Variants in TNFSF4 observed in about 807,000 individuals in gnomAD.
The protein encoded by TNFSF4 is TNF superfamily member 4.
A neutral mutation model predicts 7.3 loss-of-function variants in TNFSF4; 4 were observed. The observed-to-expected ratio is 0.55, with a 90% CI of 0.27 to 1.25. The LOEUF (loss-of-function observed/expected upper bound fraction) is 1.25. Ranked by LOEUF, TNFSF4 falls within the 50% of genes most tolerant of loss-of-function variation. The pLI, the probability that TNFSF4 is intolerant of heterozygous loss-of-function variation, is 0.12. For missense variants in TNFSF4, 181 were observed against 208.8 expected (o/e 0.87, Z 0.82); for synonymous variants, 76 against 83.7 (o/e 0.91, Z 0.50).
chr1:173,323,120 C>G, the TNFSF4 span, among the ~76,000 whole-genome samples: 3 of 152,192 alleles, frequency 2.0e-5, no homozygotes, highest in African/African-American at 7.2e-5. Context: ...GAGTAGCCTA[C>G]CTGGGAGGCA....
the TNFSF4 span, among the ~76,000 whole-genome samples, chr1:173,229,411 C>G: frequency 1.3e-5 from 2 of 152,048 alleles, no homozygotes; most frequent in Non-Finnish European, 2.9e-5. Flanking sequence ...CAGGCCTGCC[C>G]GAAAAGAGCT....
intron 1 of TNFSF4, among the ~76,000 whole-genome samples, chr1:173,188,884 T>C (rs547744612): frequency 1.4e-4 from 22 of 152,190 alleles, no homozygotes; most frequent in African/African-American, 4.3e-4. Flanking sequence ...GATTAATTTT[T>C]GTTTTTTGGG....
the TNFSF4 span, among the ~76,000 whole-genome samples, chr1:173,321,773 C>T: frequency 2.6e-5 from 4 of 152,296 alleles, no homozygotes; most frequent in South Asian, 8.3e-4. Context: ...GACTTACCAT[C>T]TCATGCCAGT....
chr1:173,286,318 G>A, the TNFSF4 span, among the ~76,000 whole-genome samples: 1 of 152,058 alleles, frequency 6.6e-6, no homozygotes. Context: ...TCTAACAGAA[G>A]AAAAAAACTG....
At chr1:173,194,519 T>G (rs887223588) in intron 1 of TNFSF4, among the ~76,000 whole-genome samples, 9 of 152,148 alleles carry the variant, frequency 5.9e-5, no homozygotes, top group African/African-American at 2.2e-4. Context: ...AAGAGCTGGA[T>G]GAGCAAAAGA....
At chr1:173,422,709 A>T in the TNFSF4 span, among the ~76,000 whole-genome samples, 1 of 152,212 alleles carries the variant, frequency 6.6e-6, no homozygotes, top group African/African-American at 2.4e-5. Flanking sequence ...GTGTGTGCAG[A>T]GGAGGGGGAG....
At chr1:173,269,020 T>C in the TNFSF4 span, among the ~76,000 whole-genome samples, 1 of 152,144 alleles carries the variant, frequency 6.6e-6, no homozygotes, top group Non-Finnish European at 1.5e-5. Context: ...GCAGTTCAGA[T>C]AGAGTACAAC....
chr1:173,324,785 A>C, the TNFSF4 span, among the ~76,000 whole-genome samples: 1,315 of 152,348 alleles, frequency 8.6e-3, 11 homozygotes, highest in Non-Finnish European at 0.012. Context: ...ACATAATGGT[A>C]AAGGGATCAA....
chr1:173,318,983 A>G, the TNFSF4 span, among the ~76,000 whole-genome samples: 5 of 152,200 alleles, frequency 3.3e-5, no homozygotes, highest in East Asian at 5.8e-4. Flanking sequence ...CTGGAACCCC[A>G]GTGAGACAGA....
chr1:173,275,198 G>A, the TNFSF4 span, among the ~76,000 whole-genome samples: 1 of 152,068 alleles, frequency 6.6e-6, no homozygotes. Flanking sequence ...TCAGGGAAGG[G>A]AACGACACAG....
At chr1:173,316,295 C>T in the TNFSF4 span, among the ~76,000 whole-genome samples, 1 of 151,788 alleles carries the variant, frequency 6.6e-6, no homozygotes, top group African/African-American at 2.4e-5. Flanking sequence ...GTCAAAACAT[C>T]GTTTTTACCT....
chr1:173,275,295 T>A, the TNFSF4 span, among the ~76,000 whole-genome samples: 3 of 152,204 alleles, frequency 2.0e-5, no homozygotes, highest in East Asian at 5.8e-4. Flanking sequence ...ATCTTTTAAG[T>A]GGCTGCAAGC....
the TNFSF4 span, among the ~76,000 whole-genome samples, chr1:173,233,385 A>G: frequency 6.6e-6 from 1 of 152,244 alleles, no homozygotes; most frequent in Admixed American, 6.5e-5. Flanking sequence ...GGAGAATGGA[A>G]CCAAGTTGGA....
At chr1:173,200,054 TAA>T (rs1649877917) in intron 1 of TNFSF4, among the ~76,000 whole-genome samples, 1 of 152,244 alleles carries the variant, frequency 6.6e-6, no homozygotes, top group Non-Finnish European at 1.5e-5. Flanking sequence ...AATCTTTTTT[TAA>T]AAAGAGTCTT....
chr1:173,288,366 G>A, the TNFSF4 span, among the ~76,000 whole-genome samples: 2 of 152,124 alleles, frequency 1.3e-5, no homozygotes, highest in Admixed American at 6.5e-5. Context: ...AGCCCAGGAG[G>A]CAGAGGTTGC....
At chr1:173,206,523 A>T (rs1413372891) in intron 1 of TNFSF4, among the ~76,000 whole-genome samples, 1 of 152,226 alleles carries the variant, frequency 6.6e-6, no homozygotes, top group Non-Finnish European at 1.5e-5. Context: ...AGGCACACAC[A>T]CATGCACGCA....
intron 2 of TNFSF4, among the ~76,000 whole-genome samples, chr1:173,187,341 T>G (rs1469798799): frequency 6.6e-6 from 1 of 152,210 alleles, no homozygotes; most frequent in Non-Finnish European, 1.5e-5. Flanking sequence ...GGGCAAAGGG[T>G]GGCAGTGGTG....
chr1:173,213,842 G>A, the TNFSF4 span, among the ~76,000 whole-genome samples: 36 of 152,234 alleles, frequency 2.4e-4, no homozygotes, highest in Admixed American at 4.6e-4. Flanking sequence ...ATAAACCTAT[G>A]TTTCTCAACT....
chr1:173,307,302 C>T, the TNFSF4 span, among the ~76,000 whole-genome samples: 1 of 151,776 alleles, frequency 6.6e-6, no homozygotes, highest in Non-Finnish European at 1.5e-5. Flanking sequence ...ATGTACTATA[C>T]TAGCCAAGAA....
Sources: allele counts gnomAD v4.1 joint callset (sites outside exome capture counted in the v4.1 genomes callset), GRCh38; gene constraint gnomAD v4.1.1; transcripts MANE v1.5; gene names NCBI Gene and HGNC (gene_info 2026-07-23, HGNC 2026-07-21).